SOX13: variants seen among roughly 807,000 people sequenced by gnomAD.
SOX13 encodes the protein transcription factor SOX-13.
Under a neutral mutation model 71.8 loss-of-function variants are expected in SOX13, and 28 were observed. The ratio of observed to expected loss-of-function variants is 0.39; its 90% CI spans 0.29 to 0.53. SOX13 has a LOEUF of 0.53. Ranked by LOEUF, SOX13 falls within the 20% of genes least tolerant of loss-of-function variation. The pLI is 0.70. For synonymous variants in SOX13, 309 were observed against 317.8 expected, an observed-to-expected ratio of 0.97 and a Z score of 0.29; for missense variants, 627 against 810.3, an observed-to-expected ratio of 0.77 and a Z score of 2.75.
intron 1 of SOX13, among the ~76,000 whole-genome samples, chr1:204,086,279 T>C (rs1656016180): frequency 6.6e-6 from 1 of 152,194 alleles, no homozygotes; most frequent in Non-Finnish European, 1.5e-5. Context: ...CTTTGCACAC[T>C]CTGGAGTAGC....
chr1:204,120,051 TA>T (rs1656771211), intron 7 of SOX13, among the ~76,000 whole-genome samples: 1 of 152,164 alleles, frequency 6.6e-6, no homozygotes, highest in Non-Finnish European at 1.5e-5. Flanking sequence ...AAATCTCACC[TA>T]AATCAGTTAT....
chr1:204,089,535 A>AG (rs1287151984), intron 1 of SOX13, among the ~76,000 whole-genome samples: 1 of 152,164 alleles, frequency 6.6e-6, no homozygotes, highest in African/African-American at 2.4e-5. Context: ...CAGCTGTGTG[A>AG]GGGGACCCCG....
intron 1 of SOX13, among the ~76,000 whole-genome samples, chr1:204,105,061 G>A (rs904646384): frequency 6.6e-6 from 1 of 152,108 alleles, no homozygotes; most frequent in Non-Finnish European, 1.5e-5. Context: ...AGAGGAAGAG[G>A]ATCGGCACCT....
At position 204,073,377 on chromosome 1, in the gene SOX13, G is replaced by C. The variant is rs1298892515; in HGVS notation, c.-336G>C. On this transcript the variant is annotated 5_prime_UTR_variant, in exon 1 of 14. Transcript: ENST00000367204. This position sits in a 1 kb window ranked among gnomAD's most constrained non-coding sequence, Gnocchi z 6.8. ...TCGCAGAGCAGGACCGCGGAAGGCA[G>C]GGAGACGGCCGCAAGCCCAGGGCAG... 1 of 152,372 alleles carries C rather than the reference G, an allele frequency of 6.6e-6. No homozygotes were observed. The highest frequency in any genetic ancestry group is 1.9e-4 in the East Asian group (1 of 5,166). The allele number at this position is 152,372 out of a possible 1,614,324, so 9.4% of individuals were successfully genotyped here. A position where few individuals can be genotyped will look rare whatever the true frequency, so the allele number is the denominator to read the frequency against.
intron 1 of SOX13, among the ~76,000 whole-genome samples, chr1:204,080,842 G>T (rs1006463539): frequency 5.9e-5 from 9 of 151,944 alleles, no homozygotes; most frequent in African/African-American, 1.9e-4. Flanking sequence ...TAGAGAAAGT[G>T]CAGCAGGCAG....
chr1:204,098,370 G>A (rs954646168), intron 1 of SOX13, among the ~76,000 whole-genome samples: 5 of 152,136 alleles, frequency 3.3e-5, no homozygotes, highest in East Asian at 1.9e-4. Flanking sequence ...CCAGCTACTC[G>A]GGAGGCTGAG....
chr1:204,082,345 G>A (rs112497628), intron 1 of SOX13, among the ~76,000 whole-genome samples: 2,011 of 152,136 alleles, frequency 0.013, 34 homozygotes, highest in African/African-American at 0.044. Flanking sequence ...CAGGGCCTCC[G>A]AGAACTCCAG....
rs774165653 is a variant in SOX13 at position 204,116,578 on chromosome 1, G to T, written c.490G>T (p.Asp164Tyr). Residue 164 changes from aspartate (D) to tyrosine (Y), a missense_variant, in exon 5 of 14, where the codon GAC becomes TAC. Coordinates refer to ENST00000367204, the MANE Select transcript of SOX13 (RefSeq NM_005686.3). ...GATTCACCAGCTGTCCACCCTGCGG[G>T]ACCAGCTCCTGACAGCCCACTCGGA... ...VMIHQLSTLRDQLLTAHSEQK... is the reference protein window; with the variant it reads ...VMIHQLSTLRYQLLTAHSEQK... The T allele has an allele frequency of 3.1e-6, 5 of 1,614,042 alleles. No individual in the cohort carries two copies. In the South Asian group the frequency reaches 5.5e-5, roughly 18 times the overall value.
chr1:204,116,041 AC>A, intron 4 of SOX13: 1 of 551,970 alleles, frequency 1.8e-6, no homozygotes, highest in Non-Finnish European at 2.7e-6. Context: ...GATTTTGAAA[AC>A]CCTAAAGTGC....
At chr1:204,079,192 G>C (rs1208554682) in intron 1 of SOX13, among the ~76,000 whole-genome samples, 1 of 151,968 alleles carries the variant, frequency 6.6e-6, no homozygotes, top group Non-Finnish European at 1.5e-5. Context: ...CAGCTGCTGG[G>C]GAGGTTGAGG....
At chr1:204,120,155 G>A (rs1215772559) in intron 7 of SOX13, among the ~76,000 whole-genome samples, 1 of 152,220 alleles carries the variant, frequency 6.6e-6, no homozygotes, top group Non-Finnish European at 1.5e-5. Flanking sequence ...CCAGTTTATG[G>A]CACTTTGTTT....
In SOX13 at chr1:204,099,922, G is replaced by A. The variant is rs755331614; in HGVS notation, c.-1-12993G>A. Among the ~76,000 whole-genome samples the A allele has an allele frequency of 2.0e-5, 3 of 152,094 alleles. No individual in the cohort carries two copies. In the South Asian group the frequency reaches 6.2e-4, roughly 32 times the overall value. On this transcript the variant is annotated intron_variant, in intron 1 of 13. Transcript: ENST00000367204. Reference sequence around the variant, plus strand: ...TTTGGGAGGCCAAGGCAGGAGGATAGCTTGAGGCCAGGAGTTCAAGACCAG... The same window carrying A: ...TTTGGGAGGCCAAGGCAGGAGGATAACTTGAGGCCAGGAGTTCAAGACCAG...
At position 204,123,905 on chromosome 1, in the gene SOX13, ACT is replaced by A. The variant is rs1283615890; in HGVS notation, c.1375+103_1375+104del. 42 of 1,351,814 alleles carry A rather than the reference ACT, an allele frequency of 3.1e-5. No individual in the cohort carries two copies. The highest frequency in any genetic ancestry group is 4.1e-5 in the Non-Finnish European group (40 of 978,938). 83.7% of individuals were successfully genotyped at this position (1,351,814 alleles called of 1,614,324 possible). Reference sequence around the variant, plus strand: ...TTGGTGATATTCCATACTGTGTTGGACTCCAGTGGAATCTGACGACAGGGGTG... The same window carrying A: ...TTGGTGATATTCCATACTGTGTTGGACCAGTGGAATCTGACGACAGGGGTG... On this transcript the variant is annotated intron_variant, in intron 12 of 13. Transcript: ENST00000367204. The surrounding 1 kb of genome is among the most constrained non-coding windows in gnomAD (Gnocchi z 5.0).
At chr1:204,114,651 C>A in intron 4 of SOX13, 46 bp downstream of exon 4, 1 of 1,446,532 alleles carries the variant, frequency 6.9e-7, no homozygotes, top group Non-Finnish European at 9.7e-7. Context: ...CCCCATCTCT[C>A]TTCTCCTGGT....
intron 5 of SOX13, 150 bp downstream of exon 5, chr1:204,116,829 C>A: frequency 7.3e-7 from 1 of 1,374,356 alleles, no homozygotes; most frequent in Non-Finnish European, 9.8e-7. Flanking sequence ...CTGTAGGATT[C>A]CCACCTGGAC....
rs749697729 is a variant in SOX13, at chr1:204,114,350, C to A, written c.249C>A (p.Ser83=). 5 of 1,610,242 alleles carry A rather than the reference C, an allele frequency of 3.1e-6. No individual in the cohort carries two copies. The highest frequency in any genetic ancestry group is 2.5e-6 in the Non-Finnish European group (3 of 1,178,234). The change falls in exon 3 of 14, where the codon TCC becomes TCA. Residue 83 remains serine (S), a synonymous_variant. Coordinates refer to ENST00000367204, the MANE Select transcript of SOX13 (RefSeq NM_005686.3). Reference sequence around the variant, plus strand: ...GTAGCTCTCCAGAGGGTAATGGGTCCCCAGAACCCAAGAGACCAGGAGTGT... The same window carrying A: ...GTAGCTCTCCAGAGGGTAATGGGTCACCAGAACCCAAGAGACCAGGAGTGT... ...WDCSSPEGNG[S]PEPKRPGVSE...
At chr1:204,105,544 T>C (rs1450441773) in intron 1 of SOX13, among the ~76,000 whole-genome samples, 1 of 152,110 alleles carries the variant, frequency 6.6e-6, no homozygotes, top group Admixed American at 6.6e-5. Context: ...TAGCTGGGAT[T>C]ACAGGTATGC....
At position 204,122,340 on chromosome 1, in the gene SOX13, C is replaced by A; in HGVS notation, c.965C>A (p.Pro322His). The change falls in exon 9 of 14, where the codon CCC becomes CAC. Residue 322 changes from proline (P) to histidine (H), a missense_variant. By Grantham distance (77) the Pro-to-His change is moderately conservative (BLOSUM62 -2). This residue lies in a region of SOX13 where 447 missense variants were observed against 532.2 expected (regional missense o/e 0.84). Transcript: ENST00000367204. ...AAGATGAGCAGCTGTGTGCCCCGCC[C>A]CCCCAGCCATGGAGGCCCCACGCGG... is the stretch of plus-strand genomic sequence containing the variant. ...SLKMSSCVPR[P>H]PSHGGPTRDL... The A allele has an allele frequency of 6.4e-7, 1 of 1,563,980 alleles. No homozygotes were observed. The highest frequency in any genetic ancestry group is 8.7e-7 in the Non-Finnish European group (1 of 1,152,448).
chr1:204,107,123 C>T (rs1305840387), intron 1 of SOX13, among the ~76,000 whole-genome samples: 6 of 152,176 alleles, frequency 3.9e-5, no homozygotes, highest in Admixed American at 2.0e-4. Flanking sequence ...CTGGACTGCG[C>T]ACAACTTACA....
Sources: allele counts gnomAD v4.1 joint callset (sites outside exome capture counted in the v4.1 genomes callset), GRCh38; gene constraint gnomAD v4.1.1; regional missense constraint gnomAD v4.1.1; non-coding constraint Gnocchi (gnomAD v3.1); transcripts MANE v1.5; gene names NCBI Gene and HGNC (gene_info 2026-07-23, HGNC 2026-07-21).